The following EYS variants were observed in gnomAD, a reference collection of about 807,000 sequenced individuals.
The protein encoded by EYS is protein eyes shut homolog.
Under a neutral mutation model 282.1 loss-of-function variants are expected in EYS, and 250 were observed. The observed-to-expected ratio is 0.89, with a 90% CI of 0.80 to 0.98. The LOEUF (loss-of-function observed/expected upper bound fraction) is 0.98, where lower values mean the gene tolerates loss of function less well. Among genes scored for constraint, EYS ranks in the 50% least tolerant of loss-of-function variants. The pLI is 0.00. For synonymous variants in EYS, 1,355 were observed against 1,282.9 expected, an observed-to-expected ratio of 1.06 and a Z score of -1.20; for missense variants, 4,016 against 3,709.0, an observed-to-expected ratio of 1.08 and a Z score of -2.15.
intron 2 of EYS, among the ~76,000 whole-genome samples, chr6:65,567,997 G>C (rs1428810644): frequency 6.6e-6 from 1 of 152,058 alleles, no homozygotes; most frequent in Non-Finnish European, 1.5e-5. Flanking sequence ...AGATGTTGAA[G>C]TTTCCGTTTT....
At chr6:64,756,098 A>G (rs1487940222) in intron 22 of EYS, among the ~76,000 whole-genome samples, 3 of 152,176 alleles carry the variant, frequency 2.0e-5, no homozygotes, top group African/African-American at 7.2e-5. Flanking sequence ...AGTATATTCT[A>G]TCATAATCCA....
At position 64,945,774 on chromosome 6, in the gene EYS, C is replaced by A. The variant is rs539864318; in HGVS notation, c.2381+19G>T. The A allele has an allele frequency of 3.9e-6, 6 of 1,547,196 alleles. No homozygotes were observed. The African/African-American group carries it at 6.9e-5, about 18-fold the overall frequency. ...ACTCCAAGTAATTTCATGAAGAAAG[C>A]TAAAAATATGTTACTCACCGATAGC... On this transcript the variant is annotated intron_variant, in intron 15 of 42. Coordinates refer to ENST00000503581, the MANE Select transcript of EYS (RefSeq NM_001142800.2).
intron 31 of EYS, among the ~76,000 whole-genome samples, chr6:64,226,456 G>A (rs1766255617): frequency 6.6e-6 from 1 of 151,826 alleles, no homozygotes; most frequent in East Asian, 1.9e-4. Flanking sequence ...AAAGGTATGG[G>A]CCTGTTTAAA....
At chr6:64,135,381 C>A (rs1774126205) in intron 31 of EYS, among the ~76,000 whole-genome samples, 1 of 151,806 alleles carries the variant, frequency 6.6e-6, no homozygotes, top group African/African-American at 2.4e-5. Context: ...CACATATGAT[C>A]AAAATTTTAT....
intron 36 of EYS, among the ~76,000 whole-genome samples, chr6:63,842,730 A>G (rs1456068840): frequency 1.3e-5 from 2 of 152,028 alleles, no homozygotes; most frequent in Non-Finnish European, 2.9e-5. Flanking sequence ...TAGAGTTTTT[A>G]TGGTTTTAGT....
intron 29 of EYS, among the ~76,000 whole-genome samples, chr6:64,358,965 T>G (rs1398145077): frequency 6.6e-6 from 1 of 151,710 alleles, no homozygotes; most frequent in Non-Finnish European, 1.5e-5. Flanking sequence ...AATATCCTAT[T>G]TTTCCTATAT....
intron 2 of EYS, among the ~76,000 whole-genome samples, chr6:65,622,469 T>G (rs1220929527): frequency 6.6e-6 from 1 of 152,064 alleles, no homozygotes; most frequent in Non-Finnish European, 1.5e-5. Flanking sequence ...ATTAAAATAA[T>G]AGTAGTAGCT....
intron 28 of EYS, among the ~76,000 whole-genome samples, chr6:64,419,972 C>T (rs2150450326): frequency 6.6e-6 from 1 of 152,338 alleles, no homozygotes; most frequent in South Asian, 2.1e-4. Context: ...CATTTCCCTT[C>T]TGCACTGCCC....
intron 22 of EYS, among the ~76,000 whole-genome samples, chr6:64,694,279 C>A (rs1583049786): frequency 6.6e-6 from 1 of 152,018 alleles, no homozygotes; most frequent in African/African-American, 2.4e-5. Flanking sequence ...GGGGTCACAA[C>A]ATAAAAGTTA....
At chr6:65,521,111 T>A (rs1383155210) in intron 2 of EYS, among the ~76,000 whole-genome samples, 1 of 152,172 alleles carries the variant, frequency 6.6e-6, no homozygotes, top group Non-Finnish European at 1.5e-5. Context: ...GAGAAAAATA[T>A]AGTTTGTTCA....
At chr6:64,011,003 T>C (rs1361154250) in intron 33 of EYS, among the ~76,000 whole-genome samples, 1 of 152,034 alleles carries the variant, frequency 6.6e-6, no homozygotes, top group Admixed American at 6.6e-5. Flanking sequence ...ATTTTATTTA[T>C]CTTTATAAAC....
intron 12 of EYS, among the ~76,000 whole-genome samples, chr6:65,136,889 C>T (rs1373847217): frequency 6.6e-6 from 1 of 151,970 alleles, no homozygotes; most frequent in African/African-American, 2.4e-5. Flanking sequence ...GTCATGTTGG[C>T]CAGCCTGGTG....
intron 33 of EYS, among the ~76,000 whole-genome samples, chr6:64,025,331 TC>T (rs1352272818): frequency 6.6e-6 from 1 of 152,022 alleles, no homozygotes; most frequent in African/African-American, 2.4e-5. Context: ...AGCTCCGAGG[TC>T]CCAACAACAA....
At chr6:63,976,029 T>A (rs927747301) in intron 35 of EYS, among the ~76,000 whole-genome samples, 6 of 152,018 alleles carry the variant, frequency 3.9e-5, no homozygotes, top group African/African-American at 1.4e-4. Context: ...TTCTGAATAC[T>A]GTAGGCAATT....
At chr6:65,248,272 G>A in intron 12 of EYS, among the ~76,000 whole-genome samples, 1 of 152,040 alleles carries the variant, frequency 6.6e-6, no homozygotes, top group Non-Finnish European at 1.5e-5. Context: ...ATGTATCAAT[G>A]TATCATTTAG....
chr6:64,368,846 C>A (rs566539119), intron 29 of EYS, among the ~76,000 whole-genome samples: 2 of 152,060 alleles, frequency 1.3e-5, no homozygotes, highest in Non-Finnish European at 2.9e-5. Context: ...TTCCCTCATT[C>A]TGTAGTTTGT....
chr6:65,678,024 T>A (rs146493142), intron 1 of EYS, among the ~76,000 whole-genome samples: 17 of 152,138 alleles, frequency 1.1e-4, no homozygotes, highest in Non-Finnish European at 2.4e-4. Context: ...TGCCAAATGG[T>A]TCTGCAGGCT....
At chr6:64,756,771 A>G (rs1471066078) in intron 22 of EYS, among the ~76,000 whole-genome samples, 3 of 152,316 alleles carry the variant, frequency 2.0e-5, no homozygotes, top group African/African-American at 7.2e-5. Flanking sequence ...GTTTTGAATC[A>G]TAAGTGTAGA....
chr6:65,245,106 A>G (rs568224433), intron 12 of EYS, among the ~76,000 whole-genome samples: 17 of 152,312 alleles, frequency 1.1e-4, no homozygotes, highest in Admixed American at 2.6e-4. Context: ...CTAGAATTCA[A>G]TACAAGTTTA....
Sources: gnomAD v4.1 joint callset for allele counts (sites outside exome capture counted in the v4.1 genomes callset) on GRCh38, gnomAD v4.1.1 for gene constraint, MANE v1.5 for transcripts, NCBI Gene and HGNC (gene_info 2026-07-23, HGNC 2026-07-21) for gene names.